DLGAP2: variants seen among roughly 807,000 people sequenced by gnomAD.
The protein encoded by DLGAP2 is disks large-associated protein 2.
Under a neutral mutation model 100.3 loss-of-function variants are expected in DLGAP2, and 26 were observed. That is an observed-to-expected ratio of 0.26 (90% CI 0.19 to 0.36). The LOEUF (loss-of-function observed/expected upper bound fraction) is 0.36, where lower values mean the gene tolerates loss of function less well. Ranked by LOEUF, DLGAP2 falls within the 10% of genes least tolerant of loss-of-function variation. The pLI is 1.00. For missense variants in DLGAP2, 1,858 were observed against 1,453.2 expected (o/e 1.28, Z -4.53); for synonymous variants, 886 against 630.1 (o/e 1.41, Z -6.08).
At chr8:1,650,471 G>T (rs186722590) in intron 8 of DLGAP2, among the ~76,000 whole-genome samples, 15 of 152,214 alleles carry the variant, frequency 9.9e-5, no homozygotes, top group African/African-American at 3.1e-4. Context: ...TCTCTCACAC[G>T]CTTATTCTGT....
chr8:1,349,824 C>T (rs993509023), intron 3 of DLGAP2, among the ~76,000 whole-genome samples: 2 of 152,246 alleles, frequency 1.3e-5, no homozygotes, highest in African/African-American at 4.8e-5. Context: ...CCTTGAATTG[C>T]TCTAACAACT....
At chr8:1,419,209 T>C (rs752459697) in intron 3 of DLGAP2, among the ~76,000 whole-genome samples, 2 of 23,576 alleles carry the variant, frequency 8.5e-5, no homozygotes, top group Non-Finnish European at 2.3e-4. Flanking sequence ...TGCGTGCGTG[T>C]GTGTGTGTGT....
chr8:1,559,898 C>T (rs535032906), intron 5 of DLGAP2, among the ~76,000 whole-genome samples: 17 of 152,302 alleles, frequency 1.1e-4, no homozygotes, highest in African/African-American at 4.1e-4. Flanking sequence ...AAAAGTAAAC[C>T]CGGACCTCAC....
intron 1 of DLGAP2, among the ~76,000 whole-genome samples, chr8:904,146 C>G (rs1038596969): frequency 6.6e-6 from 1 of 152,242 alleles, no homozygotes; most frequent in Non-Finnish European, 1.5e-5. Flanking sequence ...ACTGGCCACA[C>G]GTAGCCTGTG....
chr8:1,202,330 G>C (rs1461105673), intron 2 of DLGAP2, among the ~76,000 whole-genome samples: 2 of 151,596 alleles, frequency 1.3e-5, no homozygotes, highest in African/African-American at 4.8e-5. Context: ...TGGGGGTGAG[G>C]CCTGGGCCAG....
At position 1,548,839 on chromosome 8, in the gene DLGAP2, C is replaced by A; in HGVS notation, c.386C>A (p.Pro129His). Residue 129 changes from proline to histidine, a missense_variant, in exon 5 of 15, where the codon CCC becomes CAC. Coordinates refer to ENST00000637795, the MANE Select transcript of DLGAP2 (RefSeq NM_001346810.2). ...CTGCTGAGCCCCGCCGACAGCTGCC[C>A]CGGGGGGCGCCACCGCTGCTCGCCG... is the stretch of plus-strand genomic sequence containing the variant. The part of the protein sequence containing the change: ...PYLLSPADSC[P>H]GGRHRCSPRS... 6.3e-7 allele frequency: 1 copy of A among 1,579,914 alleles called. No homozygotes were observed. The highest frequency in any genetic ancestry group is 8.6e-7 in the Non-Finnish European group (1 of 1,166,824).
chr8:1,515,289 A>T (rs1472399121), intron 4 of DLGAP2, among the ~76,000 whole-genome samples: 1 of 152,158 alleles, frequency 6.6e-6, no homozygotes, highest in Non-Finnish European at 1.5e-5. Flanking sequence ...TGGGCCAGAG[A>T]AACCATCATG....
intron 2 of DLGAP2, among the ~76,000 whole-genome samples, chr8:1,121,268 A>G (rs1330567463): frequency 1.4e-5 from 2 of 146,618 alleles, no homozygotes; most frequent in Non-Finnish European, 3.0e-5. Flanking sequence ...TTCAGAACCC[A>G]TGACCTCCCA....
At chr8:1,647,990 G>A (rs768430485) in intron 8 of DLGAP2, among the ~76,000 whole-genome samples, 8 of 152,160 alleles carry the variant, frequency 5.3e-5, no homozygotes, top group Non-Finnish European at 1.0e-4. Flanking sequence ...CAAACCCACG[G>A]TCACAGACGT....
At chr8:885,120 TC>T (rs1202995045) in intron 1 of DLGAP2, among the ~76,000 whole-genome samples, 6 of 152,234 alleles carry the variant, frequency 3.9e-5, no homozygotes, top group African/African-American at 1.4e-4. Flanking sequence ...TATGGGGTCT[TC>T]TTTGATTTCA....
chr8:1,238,560 G>A (rs1360652254), intron 2 of DLGAP2, among the ~76,000 whole-genome samples: 2 of 78,892 alleles, frequency 2.5e-5, no homozygotes, highest in East Asian at 3.6e-4. Context: ...GCCGTGTCTA[G>A]TTCTCTCCCA....
chr8:900,301 C>T (rs908769040), intron 1 of DLGAP2, among the ~76,000 whole-genome samples: 1 of 139,940 alleles, frequency 7.1e-6, no homozygotes. Flanking sequence ...CCCGGGCGGA[C>T]GGTGGGCGCC....
chr8:1,173,157 G>T (rs538234389), intron 2 of DLGAP2, among the ~76,000 whole-genome samples: 24 of 152,350 alleles, frequency 1.6e-4, no homozygotes, highest in African/African-American at 4.3e-4. Context: ...TCCAGACCCA[G>T]TTTGCCTGGG....
At chr8:1,287,190 A>G (rs1158810836) in intron 3 of DLGAP2, among the ~76,000 whole-genome samples, 2 of 97,938 alleles carry the variant, frequency 2.0e-5, no homozygotes. Flanking sequence ...TAGGAGGGGA[A>G]CTAGTTTTGG....
rs1211629334 is a variant in DLGAP2, at chr8:1,237,134, C to T, written c.74-21717C>T. Among the ~76,000 whole-genome samples the T allele has an allele frequency of 6.6e-5, 8 of 121,564 alleles. No homozygotes were observed. In the East Asian group the frequency reaches 1.2e-3, roughly 18 times the overall value. 79.8% of individuals were successfully genotyped at this position (121,564 alleles called of 152,430 possible). On this transcript the variant is annotated intron_variant, in intron 2 of 14. Transcript: ENST00000637795. The stretch of plus-strand genomic sequence containing the variant: ...TGCCTAGTTCTGTCTCACATGGGGC[C>T]GTGTCTAGTTCTCTCACATGGCGCC...
chr8:1,106,889 G>C (rs780862156), intron 2 of DLGAP2, among the ~76,000 whole-genome samples: 27 of 152,178 alleles, frequency 1.8e-4, no homozygotes, highest in Admixed American at 6.5e-5. Flanking sequence ...AGAACCATTT[G>C]GACTCTGTAG....
At chr8:1,159,719 T>C (rs1454987043) in intron 2 of DLGAP2, among the ~76,000 whole-genome samples, 1 of 152,242 alleles carries the variant, frequency 6.6e-6, no homozygotes, top group Non-Finnish European at 1.5e-5. Context: ...CAGTTAGTTA[T>C]ACGGAGTTTG....
intron 2 of DLGAP2, among the ~76,000 whole-genome samples, chr8:997,910 A>G (rs535836475): frequency 7.6e-4 from 114 of 150,154 alleles, no homozygotes; most frequent in Middle Eastern, 6.9e-3. Flanking sequence ...ACATGCATGC[A>G]TACAAACATG....
intron 3 of DLGAP2, among the ~76,000 whole-genome samples, chr8:1,483,412 G>C (rs1799152016): frequency 6.6e-6 from 1 of 152,154 alleles, no homozygotes; most frequent in African/African-American, 2.4e-5. Flanking sequence ...CTGTTGGCTT[G>C]ACGGACCCAG....
Sources: gnomAD v4.1 joint callset for allele counts (sites outside exome capture counted in the v4.1 genomes callset) on GRCh38, gnomAD v4.1.1 for gene constraint, MANE v1.5 for transcripts, NCBI Gene and HGNC (gene_info 2026-07-23, HGNC 2026-07-21) for gene names.